FAF1: variants seen among roughly 807,000 people sequenced by gnomAD.
The protein encoded by FAF1 is Fas associated factor 1.
Under a neutral mutation model 92.5 loss-of-function variants are expected in FAF1, and 25 were observed. The ratio of observed to expected loss-of-function variants is 0.27; its 90% CI spans 0.20 to 0.38. FAF1 has a LOEUF of 0.38. Among genes scored for constraint, FAF1 ranks in the 10% least tolerant of loss-of-function variants. The pLI, the probability that FAF1 is intolerant of heterozygous loss-of-function variation, is 1.00. For synonymous variants in FAF1, 234 were observed against 273.2 expected (o/e 0.86, Z 1.42); for missense variants, 636 against 793.3 (o/e 0.80, Z 2.38).
chr1:50,610,560 ACTAAATGGGTGAAAAAT>A (rs1384114625), intron 8 of FAF1, among the ~76,000 whole-genome samples: 5 of 152,374 alleles, frequency 3.3e-5, no homozygotes, highest in Non-Finnish European at 5.9e-5. Flanking sequence ...AGAAGTTTAT[ACTAAATGGGTGAAAAAT>A]CTATCTTGGA....
At chr1:50,560,960 G>C (rs1478128010) in intron 13 of FAF1, among the ~76,000 whole-genome samples, 1 of 152,182 alleles carries the variant, frequency 6.6e-6, no homozygotes, top group African/African-American at 2.4e-5. Flanking sequence ...TTACTATGCT[G>C]GTGCTTTACA....
chr1:50,669,439 A>G (rs1655771823), intron 7 of FAF1, among the ~76,000 whole-genome samples: 1 of 152,222 alleles, frequency 6.6e-6, no homozygotes, highest in Non-Finnish European at 1.5e-5. Context: ...TAATACCTAG[A>G]GGCATTACTT....
At chr1:50,768,891 CAAG>C (rs1169800490) in intron 4 of FAF1, among the ~76,000 whole-genome samples, 1 of 151,766 alleles carries the variant, frequency 6.6e-6, no homozygotes, top group East Asian at 1.9e-4. Flanking sequence ...ACTAAAGAAA[CAAG>C]AAGAAACCAA....
intron 4 of FAF1, among the ~76,000 whole-genome samples, chr1:50,756,493 T>C (rs1243573012): frequency 6.6e-6 from 1 of 152,196 alleles, no homozygotes; most frequent in Non-Finnish European, 1.5e-5. Context: ...TTTTCTGTCT[T>C]CTTCATAGCC....
intron 13 of FAF1, among the ~76,000 whole-genome samples, chr1:50,562,185 G>A (rs1649950723): frequency 6.6e-6 from 1 of 152,154 alleles, no homozygotes; most frequent in African/African-American, 2.4e-5. Context: ...ATTTTTATTA[G>A]TTAAATCTAT....
At chr1:50,956,456 T>C (rs1645267541) in intron 1 of FAF1, among the ~76,000 whole-genome samples, 1 of 152,240 alleles carries the variant, frequency 6.6e-6, no homozygotes, top group South Asian at 2.1e-4. Context: ...TTTCAAATTC[T>C]AATCAAATTT....
intron 17 of FAF1, 124 bp downstream of exon 17, chr1:50,490,456 GAAGGAAAA>G (rs1646822252): frequency 3.6e-5 from 10 of 276,606 alleles, no homozygotes; most frequent in South Asian, 2.9e-4. Flanking sequence ...AGGAAGGAAG[GAAGGAAAA>G]AGAAAGAAGG....
chr1:50,464,998 AT>A (rs1385862728), intron 18 of FAF1, among the ~76,000 whole-genome samples: 3 of 152,170 alleles, frequency 2.0e-5, no homozygotes, highest in African/African-American at 7.2e-5. Flanking sequence ...GCCTGGTGGT[AT>A]TTCTATCATC....
chr1:50,846,599 T>G (rs1379467212), intron 2 of FAF1: 8 of 531,644 alleles, frequency 1.5e-5, no homozygotes, highest in Non-Finnish European at 3.0e-5. Context: ...CCTGGGTGAG[T>G]GAGCGCTTCC....
intron 6 of FAF1, 101 bp downstream of exon 6, chr1:50,738,762 A>G (rs2124485010): frequency 2.7e-6 from 2 of 733,502 alleles, no homozygotes; most frequent in East Asian, 2.7e-5. Flanking sequence ...AATTTCAACA[A>G]GACTTGTATT....
Position 50,733,051 on chromosome 1 carries a change from T to G in FAF1, c.551+5812A>C, listed in dbSNP as rs376316351. ...GTCGTCACCTCACCTCTACCCCAAC[T>G]CAGTTTCTCTATCTGCAAAACAGGT... On this transcript the variant is annotated intron_variant, in intron 6 of 18. Transcript: ENST00000396153. Among the ~76,000 whole-genome samples the G allele has an allele frequency of 2.6e-5, 4 of 152,304 alleles. No individual in the cohort carries two copies. In the East Asian group the frequency reaches 7.7e-4, roughly 29 times the overall value.
chr1:50,863,464 A>G (rs949491240), intron 1 of FAF1, among the ~76,000 whole-genome samples: 2 of 152,004 alleles, frequency 1.3e-5, no homozygotes, highest in African/African-American at 4.8e-5. Context: ...AACTAGAGAA[A>G]CAAGAAGAAA....
intron 8 of FAF1, among the ~76,000 whole-genome samples, chr1:50,620,783 A>C (rs940851644): frequency 3.9e-5 from 6 of 152,256 alleles, no homozygotes; most frequent in Non-Finnish European, 5.9e-5. Flanking sequence ...GCCAGTAGCT[A>C]GGCAAATATC....
At chr1:50,584,574 C>G in intron 10 of FAF1, 111 bp downstream of exon 10, 1 of 1,004,048 alleles carries the variant, frequency 1.0e-6, no homozygotes, top group Non-Finnish European at 1.4e-6. Context: ...ATTATCTTAT[C>G]TCCTCAAACC....
chr1:50,819,778 CAT>C (rs1280493582), intron 2 of FAF1, among the ~76,000 whole-genome samples: 1 of 30,450 alleles, frequency 3.3e-5, no homozygotes, highest in Non-Finnish European at 7.4e-5. Flanking sequence ...TATATATATA[CAT>C]ATATATACAT....
At chr1:50,955,636 G>A (rs1335242772) in intron 1 of FAF1, among the ~76,000 whole-genome samples, 1 of 152,132 alleles carries the variant, frequency 6.6e-6, no homozygotes, top group Non-Finnish European at 1.5e-5. Flanking sequence ...TAACTTCTGG[G>A]TATATATGCA....
chr1:50,807,395 G>A (rs903368798), intron 2 of FAF1, among the ~76,000 whole-genome samples: 20 of 152,236 alleles, frequency 1.3e-4, no homozygotes, highest in East Asian at 1.9e-4. Flanking sequence ...CCGGTAGGGC[G>A]AAGGGGAAGC....
intron 15 of FAF1, among the ~76,000 whole-genome samples, chr1:50,526,638 A>G (rs1268473791): frequency 1.3e-5 from 2 of 151,694 alleles, no homozygotes; most frequent in Non-Finnish European, 2.9e-5. Flanking sequence ...ATGCTACTAT[A>G]AACAGTCATG....
At chr1:50,638,445 C>CTTTTTTTTTTTTT (rs35054798) in intron 8 of FAF1, among the ~76,000 whole-genome samples, 8 of 131,624 alleles carry the variant, frequency 6.1e-5, no homozygotes, top group Non-Finnish European at 1.1e-4. Flanking sequence ...TTTTCTTTTT[C>CTTTTTTTTTTTTT]TTTTTTTTTT....
Sources: allele counts gnomAD v4.1 joint callset (sites outside exome capture counted in the v4.1 genomes callset), GRCh38; gene constraint gnomAD v4.1.1; transcripts MANE v1.5; gene names NCBI Gene and HGNC (gene_info 2026-07-23, HGNC 2026-07-21).